The following GRIA4 variants were observed in gnomAD, a reference collection of about 807,000 sequenced individuals.
GRIA4 encodes glutamate receptor 4.
GRIA4 carries 34 observed loss-of-function variants against 104.0 expected under a neutral mutation model. That is an observed-to-expected ratio of 0.33 (90% CI 0.25 to 0.44). The LOEUF (loss-of-function observed/expected upper bound fraction) is 0.44, where lower values mean the gene tolerates loss of function less well. GRIA4 is among the 20% of genes least tolerant of loss of function. The probability of loss-of-function intolerance (pLI) is 1.00; values close to 1 mark genes in which losing one functional copy is unlikely to be tolerated. For missense variants in GRIA4, 750 were observed against 1,096.5 expected (o/e 0.68, Z 4.46); for synonymous variants, 386 against 381.9 (o/e 1.01, Z -0.13).
chr11:105,662,735 A>C (rs1287343862), intron 3 of GRIA4, among the ~76,000 whole-genome samples: 1 of 151,916 alleles, frequency 6.6e-6, no homozygotes, highest in Non-Finnish European at 1.5e-5. Flanking sequence ...TTGCAGAAAG[A>C]TCTATTGATT....
intron 3 of GRIA4, among the ~76,000 whole-genome samples, chr11:105,641,044 T>C (rs1368107779): frequency 1.3e-5 from 2 of 152,132 alleles, no homozygotes; most frequent in Non-Finnish European, 2.9e-5. Flanking sequence ...GGAACATTGC[T>C]CTATAGCTAT....
intron 10 of GRIA4, among the ~76,000 whole-genome samples, chr11:105,916,055 G>A (rs1470717502): frequency 1.3e-5 from 2 of 151,926 alleles, no homozygotes; most frequent in Admixed American, 6.6e-5. Context: ...GTGGTGGTGT[G>A]CGCCTGTAAT....
chr11:105,809,372 T>G (rs1156386344), intron 4 of GRIA4, among the ~76,000 whole-genome samples: 1 of 152,144 alleles, frequency 6.6e-6, no homozygotes, highest in Non-Finnish European at 1.5e-5. Context: ...ATATTCCAGA[T>G]TTACCCTTCT....
intron 4 of GRIA4, among the ~76,000 whole-genome samples, chr11:105,780,809 A>G (rs1941695631): frequency 1.3e-5 from 2 of 152,250 alleles, no homozygotes; most frequent in Admixed American, 1.3e-4. Flanking sequence ...TCTGCAGGGA[A>G]CTTGGCACAC....
intron 3 of GRIA4, among the ~76,000 whole-genome samples, chr11:105,636,866 T>A (rs957462843): frequency 6.6e-6 from 1 of 152,180 alleles, no homozygotes; most frequent in Non-Finnish European, 1.5e-5. Context: ...ATCAGTGCAG[T>A]GTATGTAGCT....
chr11:105,887,452 A>C (rs2136099494), intron 5 of GRIA4, 67 bp from the exon 6 acceptor site: 2 of 688,756 alleles, frequency 2.9e-6, no homozygotes, highest in East Asian at 5.8e-5. Context: ...TAAAATAGAT[A>C]ATAATTTTAA....
chr11:105,835,115 TATTC>T lies in GRIA4; in HGVS notation c.488-26907_488-26904del, dbSNP rs778454049. 1.6e-3 allele frequency among the ~76,000 whole-genome samples: 236 copies of T among 152,112 alleles called. 1 individual carries two copies. Among genetic ancestry groups the T allele is most frequent in the Non-Finnish European group, 2.5e-3 (171 of 67,964 alleles). ...TCTTTATTCTGTGTTTCTTGTTACT[TATTC>T]AATAATTTATTTCAATATTTTATTT... On this transcript the variant is annotated intron_variant, in intron 4 of 16. Coordinates refer to ENST00000282499, the MANE Select transcript of GRIA4 (RefSeq NM_000829.4).
chr11:105,665,526 G>C (rs1039622184), intron 3 of GRIA4, among the ~76,000 whole-genome samples: 3 of 151,952 alleles, frequency 2.0e-5, no homozygotes, highest in African/African-American at 7.2e-5. Flanking sequence ...GATACTGCAG[G>C]AAGCCAGGGC....
At chr11:105,918,684 C>A (rs1321656168) in intron 10 of GRIA4, 28 bp from the exon 11 acceptor site, 2 of 1,072,274 alleles carry the variant, frequency 1.9e-6, no homozygotes. Context: ...ATAATTTCTC[C>A]TTTACAGTTC....
rs571327727 is a variant in GRIA4, at chr11:105,909,425, A to G, written c.1159-1010A>G. Among the ~76,000 whole-genome samples the G allele has an allele frequency of 2.0e-5, 3 of 152,292 alleles. No individual in the cohort carries two copies. In the South Asian group the frequency reaches 6.2e-4, roughly 32 times the overall value. ...GCATTAAATGAACACCCATTTTAGA[A>G]GGTCGCATAGCATAATAGCAAAGCA... On this transcript the variant is annotated intron_variant, in intron 9 of 16. Transcript: ENST00000282499.
chr11:105,653,560 A>G (rs1173008676), intron 3 of GRIA4, among the ~76,000 whole-genome samples: 1 of 152,208 alleles, frequency 6.6e-6, no homozygotes, highest in Non-Finnish European at 1.5e-5. Flanking sequence ...TTCAATTGTC[A>G]TTGACAACAA....
chr11:105,784,736 C>T (rs953526078), intron 4 of GRIA4, among the ~76,000 whole-genome samples: 2 of 152,150 alleles, frequency 1.3e-5, no homozygotes, highest in Non-Finnish European at 2.9e-5. Context: ...TCTAAACCTA[C>T]TATCCTCCTT....
intron 4 of GRIA4, among the ~76,000 whole-genome samples, chr11:105,770,760 T>A (rs543349048): frequency 6.6e-6 from 1 of 152,090 alleles, no homozygotes; most frequent in African/African-American, 2.4e-5. Context: ...TTCACAAATA[T>A]CAGCTGGACT....
At chr11:105,743,014 G>A (rs1036023355) in intron 3 of GRIA4, among the ~76,000 whole-genome samples, 3 of 152,092 alleles carry the variant, frequency 2.0e-5, no homozygotes, top group South Asian at 4.1e-4. Flanking sequence ...TGGGATTACC[G>A]GCATGAGCCC....
chr11:105,618,970 C>T (rs982464293), intron 3 of GRIA4, among the ~76,000 whole-genome samples: 3 of 151,852 alleles, frequency 2.0e-5, no homozygotes, highest in African/African-American at 7.3e-5. Flanking sequence ...AGTGTTCAAC[C>T]TCGTTGACAA....
At chr11:105,619,773 G>T (rs1591448285) in intron 3 of GRIA4, among the ~76,000 whole-genome samples, 1 of 151,812 alleles carries the variant, frequency 6.6e-6, no homozygotes, top group African/African-American at 2.4e-5. Flanking sequence ...CACAAAAAAG[G>T]CCCAGTACTT....
intron 4 of GRIA4, among the ~76,000 whole-genome samples, chr11:105,832,586 CCA>C (rs764034710): frequency 6.6e-6 from 1 of 151,832 alleles, no homozygotes; most frequent in Non-Finnish European, 1.5e-5. Context: ...AGTGATTATT[CCA>C]GAGTGGAACT....
At chr11:105,732,311 A>G (rs1435244105) in intron 3 of GRIA4, among the ~76,000 whole-genome samples, 1 of 152,138 alleles carries the variant, frequency 6.6e-6, no homozygotes, top group Non-Finnish European at 1.5e-5. Flanking sequence ...GCCCAAACAT[A>G]TCTATAGAAG....
chr11:105,745,392 T>G (rs1939592714), intron 3 of GRIA4, among the ~76,000 whole-genome samples: 1 of 152,304 alleles, frequency 6.6e-6, no homozygotes, highest in South Asian at 2.1e-4. Flanking sequence ...TGAGCCACTT[T>G]GCCAAACCGG....
Sources: allele counts gnomAD v4.1 joint callset (sites outside exome capture counted in the v4.1 genomes callset), GRCh38; gene constraint gnomAD v4.1.1; transcripts MANE v1.5; gene names NCBI Gene and HGNC (gene_info 2026-07-23, HGNC 2026-07-21).